Variants in SPAST observed in about 807,000 individuals in gnomAD.
SPAST encodes the protein spastin.
In SPAST, 30 loss-of-function variants were observed where a neutral mutation model predicts 76.6. The ratio of observed to expected loss-of-function variants is 0.39; its 90% CI spans 0.29 to 0.53. SPAST has a LOEUF of 0.53. Ranked by LOEUF, SPAST falls within the 20% of genes least tolerant of loss-of-function variation. SPAST has a pLI of 0.68. For missense variants in SPAST, 717 were observed against 770.5 expected (o/e 0.93, Z 0.82); for synonymous variants, 305 against 281.0 (o/e 1.09, Z -0.86).
At chr2:32,101,166 G>C (rs1678106737) in intron 4 of SPAST, among the ~76,000 whole-genome samples, 1 of 152,180 alleles carries the variant, frequency 6.6e-6, no homozygotes, top group Non-Finnish European at 1.5e-5. Context: ...ACTGGTGTGA[G>C]ACGGTATCTC....
intron 4 of SPAST, among the ~76,000 whole-genome samples, chr2:32,101,164 G>A (rs539234336): frequency 6.2e-4 from 95 of 152,300 alleles, no homozygotes; most frequent in Non-Finnish European, 1.2e-3. Context: ...TAACTGGTGT[G>A]AGACGGTATC....
intron 8 of SPAST, 123 bp downstream of exon 8, chr2:32,127,145 GTTTT>G (rs754780066): frequency 3.1e-5 from 23 of 745,496 alleles, no homozygotes; most frequent in Non-Finnish European, 3.6e-5. Context: ...GTACACTTTT[GTTTT>G]TTTTGTTTGT....
intron 12 of SPAST, among the ~76,000 whole-genome samples, chr2:32,140,943 GTT>G (rs35964074): frequency 1.6e-3 from 184 of 117,242 alleles, no homozygotes; most frequent in Middle Eastern, 4.6e-3. Flanking sequence ...TGTTGTTGTT[GTT>G]TTTTTTTTTT....
intron 7 of SPAST, among the ~76,000 whole-genome samples, chr2:32,124,597 T>C (rs1217884513): frequency 1.3e-5 from 2 of 152,220 alleles, no homozygotes; most frequent in African/African-American, 2.4e-5. Flanking sequence ...CACATGAATA[T>C]TTCTAGCAGC....
chr2:32,152,907 C>T (rs1490845389), intron 16 of SPAST, among the ~76,000 whole-genome samples: 1 of 152,066 alleles, frequency 6.6e-6, no homozygotes, highest in Non-Finnish European at 1.5e-5. Context: ...GCCACCATGC[C>T]TAGCTAAATT....
chr2:32,083,774 A>ATTTTTTTT (rs1333329179), intron 1 of SPAST, among the ~76,000 whole-genome samples: 1 of 54,396 alleles, frequency 1.8e-5, no homozygotes, highest in Non-Finnish European at 3.4e-5. Flanking sequence ...ATATATATAT[A>ATTTTTTTT]TATTTTTTTT....
Position 32,147,789 on chromosome 2 carries a change from G to A in SPAST, c.1728+531G>A, listed in dbSNP as rs574546374. Reference sequence around the variant, plus strand: ...TGGGACTACAGGCGCCCACCACCACGCCTGGCTAATTTTTTGTACTTTTAG... The same window carrying A: ...TGGGACTACAGGCGCCCACCACCACACCTGGCTAATTTTTTGTACTTTTAG... On this transcript the variant is annotated intron_variant, in intron 16 of 16. Transcript: ENST00000315285. Among the ~76,000 whole-genome samples the A allele has an allele frequency of 9.2e-5, 14 of 151,802 alleles. No homozygotes were observed. The South Asian group carries it at 2.1e-3, about 23-fold the overall frequency.
intron 3 of SPAST, among the ~76,000 whole-genome samples, chr2:32,092,074 A>G (rs575051513): frequency 6.6e-6 from 1 of 152,312 alleles, no homozygotes; most frequent in South Asian, 2.1e-4. Context: ...AGATATATTC[A>G]TAAACACATA....
At chr2:32,104,066 AG>A (rs1462510743) in intron 4 of SPAST, among the ~76,000 whole-genome samples, 2 of 152,174 alleles carry the variant, frequency 1.3e-5, no homozygotes, top group Non-Finnish European at 2.9e-5. Flanking sequence ...GAAGTCTCCC[AG>A]TATTATTGTG....
At position 32,098,785 on chromosome 2, in the gene SPAST, C is replaced by T; in HGVS notation, c.587-11C>T. On this transcript the variant is annotated splice_polypyrimidine_tract_variant and intron_variant, in intron 3 of 16. Transcript: ENST00000315285. ...TTATTTTTTCTGTTTTTTACCTTCTCTGTTGCATAGAGAAGATGCAACCAG... is the reference window on the plus strand; with the variant it reads ...TTATTTTTTCTGTTTTTTACCTTCTTTGTTGCATAGAGAAGATGCAACCAG... 1.9e-6 allele frequency: 3 copies of T among 1,568,574 alleles called. No individual in the cohort carries two copies. Among genetic ancestry groups the T allele is most frequent in the Non-Finnish European group, 2.6e-6 (3 of 1,138,570 alleles).
intron 4 of SPAST, among the ~76,000 whole-genome samples, chr2:32,106,338 C>T (rs1362799912): frequency 6.6e-6 from 1 of 152,188 alleles, no homozygotes; most frequent in African/African-American, 2.4e-5. Flanking sequence ...GGGAGTCTCC[C>T]TATTTTCCAG....
intron 15 of SPAST, among the ~76,000 whole-genome samples, chr2:32,146,782 T>G (rs1275666966): frequency 6.8e-6 from 1 of 146,154 alleles, no homozygotes; most frequent in Non-Finnish European, 1.5e-5. Context: ...GGAGTATCGC[T>G]TGAACCTGGG....
chr2:32,098,852 A>C lies in SPAST; in HGVS notation c.643A>C (p.Ser215Arg). ...GTCACAAACGGACGTCTATAATGAC[A>C]GTACTAACTTGGCATGCCGCAATGG... ...SKSQTDVYND[S>R]TNLACRNGHL... Residue 215 changes from serine to arginine, a missense_variant, in exon 4 of 17, where the codon AGT (serine) becomes CGT (arginine). This residue lies in a region of SPAST where 543 missense variants were observed against 445.2 expected (regional missense o/e 1.22). Transcript: ENST00000315285. 2 of 1,613,954 alleles carry C rather than the reference A, an allele frequency of 1.2e-6. No homozygotes were observed. Among genetic ancestry groups the C allele is most frequent in the Non-Finnish European group, 1.7e-6 (2 of 1,179,876 alleles).
At position 32,147,345 on chromosome 2, in the gene SPAST, G is replaced by GTTTTTT. The variant is rs71407417; in HGVS notation, c.1728+107_1728+112dup. ...ACATATATGAATGTGTGTGTGTGTG[G>GTTTTTT]TTTTTTTTTTTTTTTTTTTTTTTTT... is the stretch of plus-strand genomic sequence containing the variant. On this transcript the variant is annotated intron_variant, in intron 16 of 16. Transcript: ENST00000315285. 1.8e-3 allele frequency: 286 copies of GTTTTTT among 162,810 alleles called. 8 individuals are homozygous for GTTTTTT. The highest frequency in any genetic ancestry group is 3.4e-3 in the South Asian group (56 of 16,330). 10.1% of individuals were successfully genotyped at this position (162,810 alleles called of 1,614,324 possible).
intron 4 of SPAST, among the ~76,000 whole-genome samples, chr2:32,109,309 A>G (rs1678442504): frequency 6.6e-6 from 1 of 151,594 alleles, no homozygotes; most frequent in Non-Finnish European, 1.5e-5. Context: ...GGGTTTCACC[A>G]TGTTGGCCAG....
At chr2:32,074,035 G>T (rs1676854969) in intron 1 of SPAST, among the ~76,000 whole-genome samples, 1 of 152,272 alleles carries the variant, frequency 6.6e-6, no homozygotes, top group Non-Finnish European at 1.5e-5. Flanking sequence ...ACTGTAGCCA[G>T]GGAGAACACA....
Position 32,116,100 on chromosome 2 carries a change from C to A in SPAST, c.1005-19C>A, listed in dbSNP as rs1488101763. On this transcript the variant is annotated intron_variant, in intron 6 of 16. Coordinates refer to ENST00000315285, the MANE Select transcript of SPAST (RefSeq NM_014946.4). ...GGCCCTGTTTGTATCGTAGAACTAA[C>A]TGAGGTCTTGTTTCTTAGTGGAACA... The A allele has an allele frequency of 1.3e-6, 2 of 1,574,152 alleles. No homozygotes were observed. The highest frequency in any genetic ancestry group is 8.7e-7 in the Non-Finnish European group (1 of 1,143,860).
intron 7 of SPAST, among the ~76,000 whole-genome samples, chr2:32,117,438 TAAAC>T (rs1678877585): frequency 6.6e-6 from 1 of 150,954 alleles, no homozygotes; most frequent in Admixed American, 6.6e-5. Flanking sequence ...ACAGTGATAA[TAAAC>T]AAGTACTTTA....
chr2:32,096,084 CATT>C (rs1677903206), intron 3 of SPAST, among the ~76,000 whole-genome samples: 1 of 152,188 alleles, frequency 6.6e-6, no homozygotes, highest in African/African-American at 2.4e-5. Context: ...TAATTTAAAT[CATT>C]GATTAATCTG....
Sources: allele counts gnomAD v4.1 joint callset (sites outside exome capture counted in the v4.1 genomes callset), GRCh38; gene constraint gnomAD v4.1.1; regional missense constraint gnomAD v4.1.1; transcripts MANE v1.5; gene names NCBI Gene and HGNC (gene_info 2026-07-23, HGNC 2026-07-21).